PLEKHA5: variants seen among roughly 807,000 people sequenced by gnomAD.
PLEKHA5 encodes pleckstrin homology domain-containing family A member 5.
In PLEKHA5, 55 loss-of-function variants were observed where a neutral mutation model predicts 181.9. That is an observed-to-expected ratio of 0.30 (90% CI 0.24 to 0.38). The LOEUF (loss-of-function observed/expected upper bound fraction) is 0.38, where lower values mean the gene tolerates loss of function less well. PLEKHA5 is among the 10% of genes least tolerant of loss of function. The pLI is 1.00. For synonymous variants in PLEKHA5, 535 were observed against 529.4 expected (o/e 1.01, Z -0.15); for missense variants, 1,432 against 1,549.5 (o/e 0.92, Z 1.27).
intron 3 of PLEKHA5, among the ~76,000 whole-genome samples, chr12:19,172,677 T>C (rs1231095757): frequency 6.6e-6 from 1 of 152,200 alleles, no homozygotes; most frequent in Non-Finnish European, 1.5e-5. Context: ...AGTTCTCTTA[T>C]ATATACGAAC....
chr12:19,161,260 A>G (rs1249399901), intron 3 of PLEKHA5, among the ~76,000 whole-genome samples: 10 of 152,106 alleles, frequency 6.6e-5, no homozygotes. Flanking sequence ...GAAATGTGCC[A>G]ATTGCCCTCA....
intron 15 of PLEKHA5, among the ~76,000 whole-genome samples, chr12:19,296,624 A>G (rs1324556388): frequency 6.6e-6 from 1 of 152,052 alleles, no homozygotes; most frequent in South Asian, 2.1e-4. Context: ...CAGATCTAAC[A>G]TTGGGAGTAG....
intron 26 of PLEKHA5, 36 bp from the exon 27 acceptor site, chr12:19,358,192 C>T: frequency 1.4e-6 from 2 of 1,383,406 alleles, no homozygotes; most frequent in Non-Finnish European, 2.0e-6. Context: ...CAGAAGTTTT[C>T]ATTTATGTAT....
chr12:19,229,596 T>C (rs1304940161), intron 3 of PLEKHA5, among the ~76,000 whole-genome samples: 3 of 152,178 alleles, frequency 2.0e-5, no homozygotes, highest in Non-Finnish European at 4.4e-5. Context: ...CAGTGAGTGT[T>C]ACAGCTCATA....
Position 19,307,670 on chromosome 12 carries a change from C to A in PLEKHA5, c.2038-7144C>A. 9.1e-6 allele frequency: 3 copies of A among 328,846 alleles called. No individual in the cohort carries two copies. The South Asian group carries it at 1.0e-4, about 11-fold the overall frequency. The allele number at this position is 328,846 out of a possible 1,614,324, so 20.4% of individuals were successfully genotyped here. ...GTCAGTCTAGGAGTCGTTGATGATT[C>A]AAAAGCCCAAGACAGAGAAGATCTC... On this transcript the variant is annotated intron_variant, in intron 15 of 31. Coordinates refer to ENST00000429027, the MANE Select transcript of PLEKHA5 (RefSeq NM_001256470.2).
chr12:19,358,087 G>A (rs1565660006), intron 26 of PLEKHA5, 141 bp from the exon 27 acceptor site: 1 of 625,604 alleles, frequency 1.6e-6, no homozygotes, highest in Non-Finnish European at 2.8e-6. Flanking sequence ...TGCCTTTCTG[G>A]TGATATCTAA....
intron 3 of PLEKHA5, among the ~76,000 whole-genome samples, chr12:19,195,203 C>T (rs1261607476): frequency 6.6e-6 from 1 of 152,156 alleles, no homozygotes; most frequent in Non-Finnish European, 1.5e-5. Context: ...TCTCTCCATA[C>T]CACACTGCTA....
chr12:19,309,945 A>AT (rs1384103460), intron 15 of PLEKHA5, among the ~76,000 whole-genome samples: 1 of 152,176 alleles, frequency 6.6e-6, no homozygotes, highest in Non-Finnish European at 1.5e-5. Flanking sequence ...TTGATGTACA[A>AT]TTTCGAAATT....
At chr12:19,205,248 T>C in intron 3 of PLEKHA5, 1 of 243,028 alleles carries the variant, frequency 4.1e-6, no homozygotes. Flanking sequence ...TTAAATTAGA[T>C]ACTGAGCATG....
chr12:19,260,025 A>T (rs566204518), intron 6 of PLEKHA5, among the ~76,000 whole-genome samples: 1 of 151,498 alleles, frequency 6.6e-6, no homozygotes, highest in East Asian at 1.9e-4. Flanking sequence ...GCTACATTGC[A>T]TATGGGAAAG....
At chr12:19,333,127 A>T (rs2093011837) in intron 20 of PLEKHA5, among the ~76,000 whole-genome samples, 1 of 152,176 alleles carries the variant, frequency 6.6e-6, no homozygotes, top group Non-Finnish European at 1.5e-5. Context: ...TCTACTAAAA[A>T]TACAAAAATT....
At chr12:19,188,459 A>G (rs2050346802) in intron 3 of PLEKHA5, among the ~76,000 whole-genome samples, 1 of 152,248 alleles carries the variant, frequency 6.6e-6, no homozygotes. Context: ...AGAAAGAAAA[A>G]TATAGGAAGA....
At chr12:19,372,774 CTTTTTT>C (rs1178948068) in intron 31 of PLEKHA5, 1 of 139,396 alleles carries the variant, frequency 7.2e-6, no homozygotes, top group Non-Finnish European at 1.6e-5. Context: ...TTTCTTTTTT[CTTTTTT>C]TTTTTTTTGT....
At chr12:19,346,660 A>G (rs1053795459) in intron 23 of PLEKHA5, among the ~76,000 whole-genome samples, 1 of 152,188 alleles carries the variant, frequency 6.6e-6, no homozygotes. Flanking sequence ...TTGTGAAAAT[A>G]TAAGAATAGG....
chr12:19,211,937 CT>C (rs1471571298), intron 3 of PLEKHA5, among the ~76,000 whole-genome samples: 5 of 152,312 alleles, frequency 3.3e-5, no homozygotes, highest in African/African-American at 1.2e-4. Flanking sequence ...CTCCATTCCT[CT>C]CCCGATTTCT....
chr12:19,221,759 G>A (rs2058975496), intron 3 of PLEKHA5, among the ~76,000 whole-genome samples: 1 of 152,146 alleles, frequency 6.6e-6, no homozygotes, highest in South Asian at 2.1e-4. Flanking sequence ...CTTTGGAAGT[G>A]TATGGAGTCT....
At chr12:19,322,220 A>G (rs1391241455) in intron 18 of PLEKHA5, 90 bp from the exon 19 acceptor site, 1 of 753,078 alleles carries the variant, frequency 1.3e-6, no homozygotes. Flanking sequence ...ATTGATTGAA[A>G]TATAGATTTT....
intron 15 of PLEKHA5, 188 bp from the exon 16 acceptor site, chr12:19,314,625 AT>A (rs1463824485): frequency 1.8e-6 from 1 of 565,784 alleles, no homozygotes; most frequent in African/African-American, 1.9e-5. Flanking sequence ...TCTTGGAAGT[AT>A]TTCACAGCGT....
intron 3 of PLEKHA5, among the ~76,000 whole-genome samples, chr12:19,246,236 C>T (rs1470641398): frequency 6.6e-6 from 1 of 151,798 alleles, no homozygotes; most frequent in African/African-American, 2.4e-5. Flanking sequence ...CCTTGGCCTC[C>T]CAAAGTGCTG....
Sources: allele counts gnomAD v4.1 joint callset (sites outside exome capture counted in the v4.1 genomes callset), GRCh38; gene constraint gnomAD v4.1.1; transcripts MANE v1.5; gene names NCBI Gene and HGNC (gene_info 2026-07-23, HGNC 2026-07-21).